ZNRF3: variants seen among roughly 807,000 people sequenced by gnomAD.
ZNRF3 encodes the protein E3 ubiquitin-protein ligase ZNRF3.
Under a neutral mutation model 72.5 loss-of-function variants are expected in ZNRF3, and 23 were observed. That is an observed-to-expected ratio of 0.32 (90% confidence interval 0.23 to 0.45). The LOEUF (loss-of-function observed/expected upper bound fraction) is 0.45, where lower values mean the gene tolerates loss of function less well. Among genes scored for constraint, ZNRF3 ranks in the 20% least tolerant of loss-of-function variants. ZNRF3 has a pLI of 1.00. For synonymous variants in ZNRF3, 610 were observed against 545.3 expected (o/e 1.12, Z -1.65); for missense variants, 1,169 against 1,272.1 (o/e 0.92, Z 1.23).
chr22:28,897,287 T>C, intron 1 of ZNRF3, among the ~76,000 whole-genome samples: 1 of 152,312 alleles, frequency 6.6e-6, no homozygotes, highest in South Asian at 2.1e-4. Context: ...GAGTGGGTCC[T>C]GGGCTTTCCT....
At chr22:28,987,984 A>T (rs1240187996) in intron 2 of ZNRF3, among the ~76,000 whole-genome samples, 1 of 152,184 alleles carries the variant, frequency 6.6e-6, no homozygotes, top group Non-Finnish European at 1.5e-5. Flanking sequence ...ACTAAAAAAG[A>T]CTTTTTAGCC....
intron 2 of ZNRF3, chr22:29,026,395 C>G (rs1438544090): frequency 6.6e-6 from 1 of 152,292 alleles, no homozygotes; most frequent in South Asian, 2.1e-4. Context: ...AGTTGACATA[C>G]AAGTTCTGTG....
intron 4 of ZNRF3, among the ~76,000 whole-genome samples, chr22:29,044,552 G>C (rs180885296): frequency 1.5e-3 from 235 of 152,320 alleles, no homozygotes; most frequent in African/African-American, 5.4e-3. Context: ...CTCTTGGGGG[G>C]CCTGGCTGAG....
intron 1 of ZNRF3, among the ~76,000 whole-genome samples, chr22:28,901,783 C>T (rs958077454): frequency 2.7e-5 from 4 of 147,756 alleles, no homozygotes; most frequent in African/African-American, 5.3e-5. Flanking sequence ...CACGATTACA[C>T]GTGCGCAATA....
chr22:29,048,151 G>A lies in ZNRF3; in HGVS notation c.913-238G>A, dbSNP rs964507683. On this transcript the variant is annotated intron_variant, in intron 6 of 8. Coordinates refer to ENST00000544604, the MANE Select transcript of ZNRF3 (RefSeq NM_001206998.2). This position sits in a 1 kb window ranked among gnomAD's most constrained non-coding sequence, Gnocchi z 4.9. Reference sequence around the variant, plus strand: ...ACGGGAAAGACGCCTGCCTCTGTGCGTGCCCACTCCCTTAACACTGAGGAC... The same window carrying A: ...ACGGGAAAGACGCCTGCCTCTGTGCATGCCCACTCCCTTAACACTGAGGAC... Among the ~76,000 whole-genome samples, 1 of 152,166 alleles carries A rather than the reference G, an allele frequency of 6.6e-6. No individual in the cohort carries two copies. The highest frequency in any genetic ancestry group is 1.5e-5 in the Non-Finnish European group (1 of 68,024).
chr22:28,989,457 T>C (rs546822543), intron 2 of ZNRF3, among the ~76,000 whole-genome samples: 1 of 152,286 alleles, frequency 6.6e-6, no homozygotes, highest in South Asian at 2.1e-4. Flanking sequence ...CGTTTTCTTG[T>C]TTTATGAGCC....
chr22:28,884,318 C>T (rs887028323), intron 1 of ZNRF3, among the ~76,000 whole-genome samples: 3 of 152,122 alleles, frequency 2.0e-5, no homozygotes, highest in Non-Finnish European at 4.4e-5. Flanking sequence ...ATCCTGGGCC[C>T]GGCACCCATG....
chr22:28,906,257 G>A (rs2034205766), intron 1 of ZNRF3, among the ~76,000 whole-genome samples: 1 of 152,224 alleles, frequency 6.6e-6, no homozygotes, highest in Admixed American at 6.5e-5. Flanking sequence ...AGCCTGGGAG[G>A]CAGAGGCTGC....
At chr22:28,997,256 C>G (rs1201106219) in intron 2 of ZNRF3, among the ~76,000 whole-genome samples, 2 of 152,162 alleles carry the variant, frequency 1.3e-5, no homozygotes, top group Non-Finnish European at 2.9e-5. Context: ...CATGGCATCC[C>G]TGGAAGCACG....
intron 1 of ZNRF3, among the ~76,000 whole-genome samples, chr22:28,948,121 G>T (rs1156685815): frequency 6.6e-6 from 1 of 152,000 alleles, no homozygotes; most frequent in Non-Finnish European, 1.5e-5. Flanking sequence ...GGGATTACAG[G>T]TGTGAGCCAC....
intron 1 of ZNRF3, among the ~76,000 whole-genome samples, chr22:28,953,697 C>T (rs549497599): frequency 6.6e-6 from 1 of 152,322 alleles, no homozygotes; most frequent in South Asian, 2.1e-4. Context: ...AGTTAGGCAT[C>T]AATCATTAAT....
intron 2 of ZNRF3, among the ~76,000 whole-genome samples, chr22:28,990,846 G>A (rs2035939783): frequency 6.6e-6 from 1 of 152,104 alleles, no homozygotes; most frequent in Non-Finnish European, 1.5e-5. Flanking sequence ...AGCTTTACCT[G>A]TGGAGAGTCT....
chr22:29,028,080 G>A lies in ZNRF3; in HGVS notation c.427-14415G>A, dbSNP rs143536876. ...TTAAACTCTACTAATACAAAATCAC[G>A]TAAAAGGAGTCAATATCATAGGGTA... is the stretch of plus-strand genomic sequence containing the variant. On this transcript the variant is annotated intron_variant, in intron 2 of 8. Transcript: ENST00000544604. Among the ~76,000 whole-genome samples, 1,140 of 152,264 alleles carry A rather than the reference G, an allele frequency of 7.5e-3. 20 individuals are homozygous for A. Among genetic ancestry groups the A allele is most frequent in the African/African-American group, 0.026 (1,099 of 41,538 alleles).
chr22:28,967,583 A>G (rs1465634832), intron 1 of ZNRF3, among the ~76,000 whole-genome samples: 2 of 152,138 alleles, frequency 1.3e-5, no homozygotes, highest in Non-Finnish European at 2.9e-5. Context: ...TTTATCCTGT[A>G]TTGGGCTGTT....
At chr22:29,007,364 C>T (rs1232107480) in intron 2 of ZNRF3, among the ~76,000 whole-genome samples, 6 of 152,200 alleles carry the variant, frequency 3.9e-5, no homozygotes, top group Admixed American at 1.3e-4. Context: ...ACGTCATGCA[C>T]GGTGGCTCAT....
intron 2 of ZNRF3, chr22:29,026,309 C>T (rs1383735612): frequency 6.6e-6 from 1 of 152,176 alleles, no homozygotes; most frequent in Non-Finnish European, 1.5e-5. Flanking sequence ...TCCACACCCC[C>T]AGACCCCATC....
intron 1 of ZNRF3, among the ~76,000 whole-genome samples, chr22:28,951,610 T>C (rs1182827036): frequency 2.0e-5 from 3 of 152,194 alleles, no homozygotes; most frequent in Non-Finnish European, 4.4e-5. Context: ...ATTTCTTTTT[T>C]ACCCAGTTTA....
chr22:28,972,361 A>G (rs780989664), intron 1 of ZNRF3, among the ~76,000 whole-genome samples: 124 of 152,336 alleles, frequency 8.1e-4, no homozygotes, highest in Admixed American at 4.0e-3. Flanking sequence ...ATAGACTCAT[A>G]TAAGATGTGG....
chr22:29,007,727 C>T (rs910808504), intron 2 of ZNRF3, among the ~76,000 whole-genome samples: 2 of 150,666 alleles, frequency 1.3e-5, no homozygotes, highest in African/African-American at 4.9e-5. Flanking sequence ...TCAGTTTGCC[C>T]CTTTCATAGA....
Sources: allele counts gnomAD v4.1 joint callset (sites outside exome capture counted in the v4.1 genomes callset), GRCh38; gene constraint gnomAD v4.1.1; non-coding constraint Gnocchi (gnomAD v3.1); transcripts MANE v1.5; gene names NCBI Gene and HGNC (gene_info 2026-07-23, HGNC 2026-07-21).